Variants in SERINC5 observed in about 807,000 individuals in gnomAD.
The protein encoded by SERINC5 is serine incorporator 5.
SERINC5 carries 41 observed loss-of-function variants against 63.1 expected under a neutral mutation model. The observed-to-expected ratio is 0.65, with a 90% CI of 0.51 to 0.84. The LOEUF is 0.84. SERINC5 is among the 40% of genes least tolerant of loss of function. SERINC5 has a pLI of 0.00. For synonymous variants in SERINC5, 222 were observed against 215.2 expected, an observed-to-expected ratio of 1.03 and a Z score of -0.28; for missense variants, 523 against 573.0, an observed-to-expected ratio of 0.91 and a Z score of 0.89.
At chr5:80,151,582 G>A (rs539924963) in intron 8 of SERINC5, among the ~76,000 whole-genome samples, 1 of 152,148 alleles carries the variant, frequency 6.6e-6, no homozygotes, top group African/African-American at 2.4e-5. Context: ...TGAGAGGAAG[G>A]GGTGGAAGGA....
chr5:80,169,589 A>G (rs750302534), intron 5 of SERINC5, 43 bp from the exon 6 acceptor site: 2 of 1,500,056 alleles, frequency 1.3e-6, no homozygotes, highest in Admixed American at 3.8e-5. Context: ...GAGAGAAGAC[A>G]AGTCAACGAA....
At chr5:80,172,244 A>G (rs745786938) in intron 5 of SERINC5, among the ~76,000 whole-genome samples, 5 of 152,158 alleles carry the variant, frequency 3.3e-5, no homozygotes, top group Non-Finnish European at 7.4e-5. Context: ...TCGCTTGGAC[A>G]CCAGAGGCAG....
chr5:80,226,610 T>C (rs1012828093), intron 1 of SERINC5, among the ~76,000 whole-genome samples: 2 of 152,312 alleles, frequency 1.3e-5, no homozygotes, highest in South Asian at 2.1e-4. Flanking sequence ...AGTCCTGACC[T>C]TGAGATGTGC....
At chr5:80,191,428 A>C (rs149617286) in intron 2 of SERINC5, among the ~76,000 whole-genome samples, 2 of 147,538 alleles carry the variant, frequency 1.4e-5, no homozygotes, top group African/African-American at 5.0e-5. Flanking sequence ...CGTTGCTTTG[A>C]GCCTAGGAGT....
chr5:80,250,735 T>C (rs575542613), intron 1 of SERINC5, among the ~76,000 whole-genome samples: 24 of 152,194 alleles, frequency 1.6e-4, no homozygotes, highest in Non-Finnish European at 2.5e-4. Flanking sequence ...GGGGCATCAG[T>C]TGCCCTGATA....
intron 2 of SERINC5, among the ~76,000 whole-genome samples, chr5:80,191,038 C>T (rs141952812): frequency 0.013 from 1,907 of 151,850 alleles, 44 homozygotes; most frequent in African/African-American, 0.044. Context: ...CAGACCAGAC[C>T]GAACCAAAAT....
intron 9 of SERINC5, among the ~76,000 whole-genome samples, chr5:80,147,906 A>C (rs1463838498): frequency 6.6e-6 from 1 of 152,136 alleles, no homozygotes; most frequent in Non-Finnish European, 1.5e-5. Flanking sequence ...GAGGAAACTG[A>C]GGTCAGGCAG....
At position 80,113,996 on chromosome 5, in the gene SERINC5, T is replaced by A. The variant is rs189863038; in HGVS notation, c.1239-371A>T. Among the ~76,000 whole-genome samples, 180 of 152,080 alleles carry A rather than the reference T, an allele frequency of 1.2e-3. 1 individual carries two copies. Among genetic ancestry groups the A allele is most frequent in the Admixed American group, 9.7e-3 (149 of 15,290 alleles). On this transcript the variant is annotated intron_variant, in intron 11 of 12. Coordinates refer to the SERINC5 transcript ENST00000509193. Reference sequence around the variant, plus strand: ...TTCACACTCCCATCTCTGGGTGTCCTCAAGATAACCCGATGTTCCCAGGAT... The same window carrying A: ...TTCACACTCCCATCTCTGGGTGTCCACAAGATAACCCGATGTTCCCAGGAT...
chr5:80,118,202 CAAA>C (rs952877645), intron 11 of SERINC5, among the ~76,000 whole-genome samples: 1 of 148,330 alleles, frequency 6.7e-6, no homozygotes, highest in Non-Finnish European at 1.5e-5. Context: ...GACTCCACCT[CAAA>C]AAAAAAATAA....
intron 2 of SERINC5, among the ~76,000 whole-genome samples, chr5:80,178,303 C>A (rs1343438840): frequency 1.3e-5 from 2 of 152,014 alleles, no homozygotes; most frequent in Non-Finnish European, 2.9e-5. Flanking sequence ...CTTCTGAAAT[C>A]CAACATCAGA....
chr5:80,200,461 G>A (rs974718487), intron 2 of SERINC5, among the ~76,000 whole-genome samples: 1 of 151,520 alleles, frequency 6.6e-6, no homozygotes, highest in Non-Finnish European at 1.5e-5. Context: ...GCTCCAGCCT[G>A]GGCGACAGAG....
chr5:80,250,364 C>T (rs1016063675), intron 1 of SERINC5, among the ~76,000 whole-genome samples: 5 of 152,084 alleles, frequency 3.3e-5, no homozygotes, highest in African/African-American at 9.7e-5. Context: ...TTTTTTGAAA[C>T]GGAGTCTCGC....
At chr5:80,148,224 C>G (rs6453505) in intron 9 of SERINC5, among the ~76,000 whole-genome samples, 38,976 of 133,904 alleles carry the variant, frequency 0.29, 5,546 homozygotes, top group South Asian at 0.34. Flanking sequence ...GAGATTTGCT[C>G]TTATTGCCCA....
chr5:80,120,155 T>C (rs761378486), intron 11 of SERINC5, among the ~76,000 whole-genome samples: 5 of 152,228 alleles, frequency 3.3e-5, no homozygotes, highest in Non-Finnish European at 5.9e-5. Flanking sequence ...AAGCAGAGAC[T>C]GCTACTATTC....
intron 1 of SERINC5, among the ~76,000 whole-genome samples, chr5:80,213,739 C>CA (rs971822808): frequency 4.1e-4 from 63 of 152,268 alleles, no homozygotes; most frequent in African/African-American, 1.4e-3. Flanking sequence ...TGTCTTGCCC[C>CA]AAGCAGCTCA....
intron 8 of SERINC5, among the ~76,000 whole-genome samples, chr5:80,154,435 T>TC (rs1561374063): frequency 6.6e-6 from 1 of 152,036 alleles, no homozygotes; most frequent in Non-Finnish European, 1.5e-5. Context: ...CGCCTTGCCC[T>TC]CCCAAGGTGC....
At chr5:80,227,111 GTCT>G (rs1751204828) in intron 1 of SERINC5, among the ~76,000 whole-genome samples, 1 of 152,040 alleles carries the variant, frequency 6.6e-6, no homozygotes, top group African/African-American at 2.4e-5. Flanking sequence ...GGCCAGGCTG[GTCT>G]TGAACTCCTG....
At chr5:80,217,551 G>C (rs1750723268) in intron 1 of SERINC5, among the ~76,000 whole-genome samples, 1 of 152,214 alleles carries the variant, frequency 6.6e-6, no homozygotes, top group South Asian at 2.1e-4. Flanking sequence ...AGCTTCAAGA[G>C]TTTAGCGGCG....
intron 11 of SERINC5, among the ~76,000 whole-genome samples, chr5:80,131,162 G>T (rs570724673): frequency 2.0e-5 from 3 of 152,120 alleles, no homozygotes; most frequent in African/African-American, 2.4e-5. Context: ...TGTGTCATGG[G>T]GGGGACCTGG....
Sources: allele counts gnomAD v4.1 joint callset (sites outside exome capture counted in the v4.1 genomes callset), GRCh38; gene constraint gnomAD v4.1.1; transcripts MANE v1.5; gene names NCBI Gene and HGNC (gene_info 2026-07-23, HGNC 2026-07-21).